Variants in NKAIN2 observed in about 807,000 individuals in gnomAD.
The protein encoded by NKAIN2 is sodium/potassium transporting ATPase interacting 2.
In NKAIN2, 14 loss-of-function variants were observed where a neutral mutation model predicts 32.6. That is an observed-to-expected ratio of 0.43 (90% CI 0.28 to 0.67). The LOEUF (loss-of-function observed/expected upper bound fraction) is 0.67, where lower values mean the gene tolerates loss of function less well. Among genes scored for constraint, NKAIN2 ranks in the 30% least tolerant of loss-of-function variants. NKAIN2 has a pLI of 0.17. For missense variants in NKAIN2, 198 were observed against 258.3 expected (o/e 0.77, Z 1.60); for synonymous variants, 80 against 87.2 (o/e 0.92, Z 0.46).
intron 1 of NKAIN2, among the ~76,000 whole-genome samples, chr6:123,886,384 A>G (rs1302732582): frequency 6.6e-6 from 1 of 152,120 alleles, no homozygotes; most frequent in African/African-American, 2.4e-5. Flanking sequence ...AGAATAGTAA[A>G]GAAGCACACC....
chr6:124,773,875 T>C (rs1055812859), intron 4 of NKAIN2, among the ~76,000 whole-genome samples: 2 of 152,140 alleles, frequency 1.3e-5, no homozygotes, highest in Non-Finnish European at 2.9e-5. Context: ...GAGAAAATAT[T>C]GCATGCCTAA....
chr6:124,506,136 A>C (rs1162559573), intron 3 of NKAIN2, among the ~76,000 whole-genome samples: 3 of 151,930 alleles, frequency 2.0e-5, no homozygotes, highest in East Asian at 3.9e-4. Context: ...CGCCGAGATC[A>C]CGCCACTGCA....
chr6:124,387,240 C>T (rs1214711229), intron 3 of NKAIN2, among the ~76,000 whole-genome samples: 2 of 151,310 alleles, frequency 1.3e-5, no homozygotes, highest in Non-Finnish European at 2.9e-5. Flanking sequence ...CAAGCAGTGA[C>T]ATCATGTGTC....
intron 3 of NKAIN2, among the ~76,000 whole-genome samples, chr6:124,362,248 T>A (rs1296304643): frequency 2.6e-5 from 4 of 152,108 alleles, no homozygotes; most frequent in South Asian, 2.1e-4. Flanking sequence ...TTAGAAAAAA[T>A]TTTTATTTCC....
chr6:124,700,871 G>C (rs895918923), intron 4 of NKAIN2, among the ~76,000 whole-genome samples: 65 of 145,474 alleles, frequency 4.5e-4, no homozygotes, highest in African/African-American at 1.5e-3. Context: ...TCTCTTTCCT[G>C]ACACACACAC....
At chr6:124,395,418 A>AT (rs1773335202) in intron 3 of NKAIN2, among the ~76,000 whole-genome samples, 1 of 152,218 alleles carries the variant, frequency 6.6e-6, no homozygotes, top group African/African-American at 2.4e-5. Context: ...TGGATATCAT[A>AT]GATACACTTA....
intron 1 of NKAIN2, among the ~76,000 whole-genome samples, chr6:124,077,349 C>T (rs1783740597): frequency 6.6e-6 from 1 of 152,156 alleles, no homozygotes; most frequent in African/African-American, 2.4e-5. Flanking sequence ...CGTTTTCTCA[C>T]TCTTCTAATA....
intron 1 of NKAIN2, among the ~76,000 whole-genome samples, chr6:124,136,057 CA>C (rs1786767848): frequency 6.6e-6 from 1 of 150,792 alleles, no homozygotes; most frequent in South Asian, 2.1e-4. Flanking sequence ...GAAATGGAAA[CA>C]AAAAAACACA....
chr6:124,558,363 G>A (rs547837025), intron 3 of NKAIN2, among the ~76,000 whole-genome samples: 69 of 152,306 alleles, frequency 4.5e-4, no homozygotes, highest in African/African-American at 1.6e-3. Flanking sequence ...AACATTTATA[G>A]ATTCTAGGTT....
intron 4 of NKAIN2, among the ~76,000 whole-genome samples, chr6:124,659,261 G>A (rs1424544037): frequency 6.6e-6 from 1 of 152,094 alleles, no homozygotes; most frequent in African/African-American, 2.4e-5. Flanking sequence ...TATTAAAATT[G>A]TTAGCAACAA....
intron 3 of NKAIN2, among the ~76,000 whole-genome samples, chr6:124,406,762 G>C (rs185596910): frequency 3.4e-4 from 52 of 152,060 alleles, no homozygotes; most frequent in African/African-American, 1.1e-3. Context: ...TTTTATTTGA[G>C]TTATTTCAAT....
chr6:124,244,076 T>A (rs112391264), intron 1 of NKAIN2, among the ~76,000 whole-genome samples: 205 of 151,500 alleles, frequency 1.4e-3, no homozygotes, highest in East Asian at 4.9e-3. Context: ...CTTTTTTTTT[T>A]AATAATTTAA....
At chr6:123,850,017 A>G (rs371043664) in intron 1 of NKAIN2, among the ~76,000 whole-genome samples, 6 of 135,286 alleles carry the variant, frequency 4.4e-5, no homozygotes, top group East Asian at 4.9e-4. Context: ...TTTGTTGCCC[A>G]GGCTGGTCTC....
At chr6:124,759,303 A>G (rs1778110785) in intron 4 of NKAIN2, among the ~76,000 whole-genome samples, 1 of 152,190 alleles carries the variant, frequency 6.6e-6, no homozygotes, top group South Asian at 2.1e-4. Flanking sequence ...AAGTCAAAAC[A>G]TTGTTGAATC....
chr6:124,484,512 T>C (rs1246549665), intron 3 of NKAIN2, among the ~76,000 whole-genome samples: 1 of 152,212 alleles, frequency 6.6e-6, no homozygotes, highest in Non-Finnish European at 1.5e-5. Flanking sequence ...TATATAACTA[T>C]GTTAAACTCT....
intron 1 of NKAIN2, among the ~76,000 whole-genome samples, chr6:124,172,006 G>C (rs1788913289): frequency 6.6e-6 from 1 of 151,518 alleles, no homozygotes; most frequent in Admixed American, 6.6e-5. Context: ...TAGAGACGGG[G>C]TTTCACCGTG....
At chr6:123,878,576 C>G (rs1025024178) in intron 1 of NKAIN2, among the ~76,000 whole-genome samples, 4 of 152,010 alleles carry the variant, frequency 2.6e-5, no homozygotes, top group African/African-American at 9.7e-5. Context: ...TTCCTGCAGG[C>G]TATACTCCAT....
intron 1 of NKAIN2, among the ~76,000 whole-genome samples, chr6:123,880,372 T>C (rs1003325388): frequency 2.0e-5 from 3 of 152,180 alleles, no homozygotes; most frequent in African/African-American, 7.2e-5. Context: ...CATAAAATTA[T>C]AAGAATTCAC....
At chr6:123,841,355 CAATCGTGAGATGTCAGAGTATAG>C (rs1172290476) in intron 1 of NKAIN2, among the ~76,000 whole-genome samples, 1 of 152,114 alleles carries the variant, frequency 6.6e-6, no homozygotes, top group Admixed American at 6.5e-5. Context: ...ATCAGTGTTA[CAATCGTGAGATGTCAGAGTATAG>C]TATATGTGTT....
Sources: allele counts gnomAD v4.1 joint callset (sites outside exome capture counted in the v4.1 genomes callset), GRCh38; gene constraint gnomAD v4.1.1; transcripts MANE v1.5; gene names NCBI Gene and HGNC (gene_info 2026-07-23, HGNC 2026-07-21).